The following ATG7 variants were observed in gnomAD, a reference collection of about 807,000 sequenced individuals.
ATG7 encodes the protein ubiquitin-like modifier-activating enzyme ATG7.
ATG7 carries 70 observed loss-of-function variants against 82.4 expected under a neutral mutation model. The observed-to-expected ratio is 0.85, with a 90% CI of 0.70 to 1.04. The LOEUF (loss-of-function observed/expected upper bound fraction) is 1.04, where lower values mean the gene tolerates loss of function less well. Among genes scored for constraint, ATG7 ranks in the 50% least tolerant of loss-of-function variants. ATG7 has a pLI of 0.00. For missense variants in ATG7, 792 were observed against 864.3 expected (o/e 0.92, Z 1.05); for synonymous variants, 287 against 313.0 (o/e 0.92, Z 0.88).
chr3:11,458,364 C>A (rs1468050338), intron 20 of ATG7, among the ~76,000 whole-genome samples: 1 of 152,040 alleles, frequency 6.6e-6, no homozygotes, highest in Non-Finnish European at 1.5e-5. Flanking sequence ...CCTGGGTTCA[C>A]GCCATTCTCC....
rs537498418 is a variant in ATG7 at position 11,434,778 on chromosome 3, C to T, written c.2079+7852C>T. Reference sequence around the variant, plus strand: ...GAAAAGAGTCTCGGATGGTATAATCCGCTTGGAGAAGTCTAAGCGAGAAAG... The same window carrying T: ...GAAAAGAGTCTCGGATGGTATAATCTGCTTGGAGAAGTCTAAGCGAGAAAG... On this transcript the variant is annotated intron_variant, in intron 20 of 20. Transcript: ENST00000693202. 2.6e-5 allele frequency among the ~76,000 whole-genome samples: 4 copies of T among 152,160 alleles called. No homozygotes were observed. The South Asian group carries it at 6.2e-4, about 24-fold the overall frequency.
intron 1 of ATG7, among the ~76,000 whole-genome samples, chr3:11,274,063 C>T (rs1456114299): frequency 6.6e-6 from 1 of 152,116 alleles, no homozygotes; most frequent in African/African-American, 2.4e-5. Flanking sequence ...GAACATCTCC[C>T]CTTCCTCTTC....
chr3:11,384,064 A>G (rs1348946378), intron 19 of ATG7, among the ~76,000 whole-genome samples: 1 of 152,186 alleles, frequency 6.6e-6, no homozygotes, highest in African/African-American at 2.4e-5. Flanking sequence ...AGTATGTTGT[A>G]TATTATGACT....
At chr3:11,505,052 C>G in intron 20 of ATG7, among the ~76,000 whole-genome samples, 1 of 152,122 alleles carries the variant, frequency 6.6e-6, no homozygotes, top group East Asian at 1.9e-4. Context: ...TTTTAACATA[C>G]AGAGGTAACT....
At chr3:11,342,933 A>ATT (rs34523650) in intron 13 of ATG7, among the ~76,000 whole-genome samples, 1 of 144,800 alleles carries the variant, frequency 6.9e-6, no homozygotes, top group Non-Finnish European at 1.5e-5. Flanking sequence ...TTTGTCATTA[A>ATT]TTTTTTTTTT....
chr3:11,387,734 G>A (rs1322021677), intron 19 of ATG7, among the ~76,000 whole-genome samples: 1 of 152,164 alleles, frequency 6.6e-6, no homozygotes, highest in Non-Finnish European at 1.5e-5. Context: ...ACTTTGGGAG[G>A]CTGAGGCAGG....
At chr3:11,525,278 G>A (rs1294918109) in intron 20 of ATG7, among the ~76,000 whole-genome samples, 7 of 151,212 alleles carry the variant, frequency 4.6e-5, no homozygotes, top group Non-Finnish European at 8.8e-5. Context: ...TGATCTACCC[G>A]CCTTGACCTC....
chr3:11,314,869 G>A (rs1037283484), intron 8 of ATG7, among the ~76,000 whole-genome samples: 6 of 152,182 alleles, frequency 3.9e-5, no homozygotes, highest in African/African-American at 1.2e-4. Flanking sequence ...AGCCCAGGAG[G>A]TCGAGGCTGC....
chr3:11,317,584 C>CTTTTTTTTTTTTTTTTTTTTTT (rs370026914), intron 9 of ATG7, among the ~76,000 whole-genome samples: 3 of 114,484 alleles, frequency 2.6e-5, no homozygotes, highest in African/African-American at 6.4e-5. Context: ...TTCTTTCTTT[C>CTTTTTTTTTTTTTTTTTTTTTT]TTTTTTTTTT....
At chr3:11,529,915 A>G (rs913153366) in intron 20 of ATG7, among the ~76,000 whole-genome samples, 2 of 152,160 alleles carry the variant, frequency 1.3e-5, no homozygotes, top group Admixed American at 6.5e-5. Context: ...TCACCCTAGC[A>G]TGACCCATCT....
chr3:11,453,929 C>T (rs1285177127), intron 20 of ATG7, among the ~76,000 whole-genome samples: 1 of 152,188 alleles, frequency 6.6e-6, no homozygotes, highest in Non-Finnish European at 1.5e-5. Flanking sequence ...TGTTACCTTT[C>T]CTCACAAGGG....
intron 13 of ATG7, among the ~76,000 whole-genome samples, chr3:11,343,221 G>A (rs112843625): frequency 0.015 from 2,215 of 152,180 alleles, 58 homozygotes; most frequent in African/African-American, 0.051. Flanking sequence ...GAGCCACCAC[G>A]CCTGGCCAAA....
chr3:11,378,684 C>CAAAAAAAAAAAA (rs1237070860), intron 18 of ATG7, among the ~76,000 whole-genome samples: 1 of 22,992 alleles, frequency 4.3e-5, no homozygotes, highest in African/African-American at 1.2e-4. Context: ...GACTCCATCT[C>CAAAAAAAAAAAA]CAAAAAAAAA....
At chr3:11,547,376 G>A (rs965468031) in intron 20 of ATG7, among the ~76,000 whole-genome samples, 2 of 152,152 alleles carry the variant, frequency 1.3e-5, no homozygotes, top group African/African-American at 4.8e-5. Context: ...GACAGACCAC[G>A]TTTCATTTAT....
Position 11,451,816 on chromosome 3 carries a change from C to A in ATG7, c.2079+24890C>A, listed in dbSNP as rs2085178277. On this transcript the variant is annotated intron_variant, in intron 20 of 20. Transcript: ENST00000693202. Reference sequence around the variant, plus strand: ...AAAAAAAAACAAATTAAAAAAACCCCAGGCTGCCCTGTCTCTCTCTATCTC... The same window carrying A: ...AAAAAAAAACAAATTAAAAAAACCCAAGGCTGCCCTGTCTCTCTCTATCTC... 1.3e-5 allele frequency among the ~76,000 whole-genome samples: 2 copies of A among 149,954 alleles called. 1 individual carries two copies. The highest frequency in any genetic ancestry group is 4.9e-5 in the African/African-American group (2 of 40,640).
the ATG7 span, chr3:11,568,933 C>T: frequency 8.0e-7 from 1 of 1,242,322 alleles, no homozygotes; most frequent in East Asian, 4.2e-5. This position sits in a 1 kb window ranked among gnomAD's most constrained non-coding sequence, Gnocchi z 5.9. Flanking sequence ...CTTCCACTGC[C>T]AGCTGCCCAC....
At chr3:11,515,594 C>T (rs748805094) in intron 20 of ATG7, among the ~76,000 whole-genome samples, 1 of 152,212 alleles carries the variant, frequency 6.6e-6, no homozygotes, top group Non-Finnish European at 1.5e-5. Context: ...ATTGACAAGA[C>T]ATTGTCCCAG....
chr3:11,519,706 C>T (rs963066608), intron 20 of ATG7, among the ~76,000 whole-genome samples: 8 of 151,602 alleles, frequency 5.3e-5, no homozygotes, highest in Non-Finnish European at 1.2e-4. Context: ...ACCACAGGCG[C>T]CCGTCACCGC....
chr3:11,471,921 A>T (rs1272789746), intron 20 of ATG7, among the ~76,000 whole-genome samples: 1 of 151,594 alleles, frequency 6.6e-6, no homozygotes, highest in East Asian at 1.9e-4. Context: ...TATTTTTAGT[A>T]GAGATGGGGT....
Sources: gnomAD v4.1 joint callset for allele counts (sites outside exome capture counted in the v4.1 genomes callset) on GRCh38, gnomAD v4.1.1 for gene constraint, Gnocchi (gnomAD v3.1) non-coding constraint, MANE v1.5 for transcripts, NCBI Gene and HGNC (gene_info 2026-07-23, HGNC 2026-07-21) for gene names.